Variants in REEP5 observed in about 807,000 individuals in gnomAD.
The protein encoded by REEP5 is receptor expression-enhancing protein 5.
Under a neutral mutation model 22.4 loss-of-function variants are expected in REEP5, and 24 were observed. The ratio of observed to expected loss-of-function variants is 1.07; its 90% CI spans 0.78 to 1.51. REEP5 has a LOEUF of 1.51. Among genes scored for constraint, REEP5 ranks in the 40% most tolerant of loss-of-function variants. The pLI is 0.00. For missense variants in REEP5, 252 were observed against 233.0 expected (o/e 1.08, Z -0.53); for synonymous variants, 103 against 88.6 (o/e 1.16, Z -0.92).
chr5:112,884,782 C>T (rs1027212023), intron 4 of REEP5, among the ~76,000 whole-genome samples: 1 of 151,498 alleles, frequency 6.6e-6, no homozygotes, highest in African/African-American at 2.4e-5. Flanking sequence ...GTCCTTGGCC[C>T]CCCCCCATCT....
intron 2 of REEP5, 86 bp downstream of exon 2, chr5:112,921,077 G>T: frequency 7.7e-7 from 1 of 1,304,928 alleles, no homozygotes; most frequent in Non-Finnish European, 1.1e-6. Flanking sequence ...TTTCTCCCGG[G>T]AATTGCGGAT....
chr5:112,921,335 G>A (rs1167894645), intron 1 of REEP5, 79 bp from the exon 2 acceptor site: 14 of 1,361,224 alleles, frequency 1.0e-5, no homozygotes, highest in Non-Finnish European at 1.5e-5. Flanking sequence ...ACACCGCGAG[G>A]CTGGGCCTGT....
chr5:112,892,375 G>C lies in REEP5; in HGVS notation c.352-5192C>G, dbSNP rs1308361383. 1.9e-6 allele frequency: 3 copies of C among 1,614,148 alleles called. No homozygotes were observed. The Admixed American group carries it at 5.0e-5, about 27-fold the overall frequency. The stretch of plus-strand genomic sequence containing the variant: ...CTACCAACAGTTCCTAGATTTCTAT[G>C]AGGATGTGTTGCCCGAGTTCAAGAA... On this transcript the variant is annotated intron_variant, in intron 3 of 4. Transcript: ENST00000379638.
At chr5:112,921,608 G>A (rs901055160) in intron 1 of REEP5, 1 of 323,486 alleles carries the variant, frequency 3.1e-6, no homozygotes, top group Non-Finnish European at 5.9e-6. Context: ...GCTCAGCGGG[G>A]AGCGTCCCGA....
chr5:112,881,292 A>G (rs1036464689), intron 4 of REEP5, among the ~76,000 whole-genome samples: 9 of 152,128 alleles, frequency 5.9e-5, no homozygotes, highest in Non-Finnish European at 8.8e-5. Context: ...GGAACATACC[A>G]CTTCTGGGGC....
chr5:112,916,698 A>C (rs1415933732), intron 2 of REEP5, among the ~76,000 whole-genome samples: 1 of 152,210 alleles, frequency 6.6e-6, no homozygotes, highest in Non-Finnish European at 1.5e-5. Context: ...ACATTCAAAG[A>C]GCCACAAGGG....
intron 2 of REEP5, among the ~76,000 whole-genome samples, chr5:112,905,996 T>C (rs770365538): frequency 4.6e-5 from 7 of 152,194 alleles, no homozygotes; most frequent in African/African-American, 9.7e-5. Flanking sequence ...CAAAACACTC[T>C]ACTGCCTTGT....
intron 2 of REEP5, among the ~76,000 whole-genome samples, chr5:112,920,704 T>A (rs1158863649): frequency 2.6e-5 from 4 of 152,134 alleles, no homozygotes; most frequent in South Asian, 4.1e-4. Context: ...TAAAAGAAAA[T>A]GAGAAAATTC....
chr5:112,901,352 C>T (rs747244274), intron 3 of REEP5, among the ~76,000 whole-genome samples: 17 of 152,124 alleles, frequency 1.1e-4, no homozygotes, highest in Non-Finnish European at 2.1e-4. Flanking sequence ...ATGAAGAACA[C>T]GGTATATAGC....
intron 4 of REEP5, chr5:112,885,770 C>A: frequency 3.9e-6 from 1 of 258,692 alleles, no homozygotes. Flanking sequence ...TACATATATG[C>A]CAAGCCCGTA....
chr5:112,921,128 A>G (rs747165859), intron 2 of REEP5, 35 bp downstream of exon 2: 1 of 1,597,762 alleles, frequency 6.3e-7, no homozygotes, highest in Non-Finnish European at 8.6e-7. Context: ...GGAATGGAGG[A>G]AGGGAAGGGG....
At chr5:112,897,419 G>A (rs1768726198) in intron 3 of REEP5, 1 of 150,448 alleles carries the variant, frequency 6.6e-6, no homozygotes, top group Non-Finnish European at 1.5e-5. Flanking sequence ...GGACAACAAG[G>A]ACTTTGTTTT....
At chr5:112,881,781 T>C (rs926889836) in intron 4 of REEP5, among the ~76,000 whole-genome samples, 6 of 152,134 alleles carry the variant, frequency 3.9e-5, no homozygotes, top group African/African-American at 1.4e-4. Flanking sequence ...ATTTATTTAT[T>C]TAGAGACAGG....
At chr5:112,879,465 CTTTA>C (rs1026662793) in intron 4 of REEP5, among the ~76,000 whole-genome samples, 6 of 152,112 alleles carry the variant, frequency 3.9e-5, no homozygotes, top group Admixed American at 6.6e-5. Flanking sequence ...CTTTCATATA[CTTTA>C]TTTATTTACT....
chr5:112,881,128 CAAAAAAAAAA>C (rs58737941), intron 4 of REEP5, among the ~76,000 whole-genome samples: 59 of 67,218 alleles, frequency 8.8e-4, no homozygotes, highest in African/African-American at 3.1e-3. Context: ...GACTCTGTTT[CAAAAAAAAAA>C]AAAAAAAAAA....
At chr5:112,899,689 TGTTAAGA>T (rs1304596139) in intron 3 of REEP5, among the ~76,000 whole-genome samples, 2 of 152,214 alleles carry the variant, frequency 1.3e-5, no homozygotes, top group Non-Finnish European at 2.9e-5. Context: ...TCCTTAGAAT[TGTTAAGA>T]GTATCATTTT....
chr5:112,902,422 A>G lies in REEP5; in HGVS notation c.309T>C (p.Ser103=). 1 of 1,613,310 alleles carries G rather than the reference A, an allele frequency of 6.2e-7. No homozygotes were observed. The change falls in exon 3 of 5, where the codon TCT becomes TCC. Residue 103 remains serine (S), a synonymous_variant. Transcript: ENST00000379638. ...YGVFSIAEFF[S]DIFLSWFPFY... ...AGGGGAACCATGACAGGAAGATATC[A>G]GAGAAGAATTCAGCAATGCTGAACA...
At chr5:112,896,910 CAG>C (rs914283003) in intron 3 of REEP5, 1 of 152,122 alleles carries the variant, frequency 6.6e-6, no homozygotes, top group African/African-American at 2.4e-5. Context: ...GCCTGGGCGA[CAG>C]AGCAAGACTC....
At chr5:112,891,158 T>C (rs1245277669) in intron 3 of REEP5, among the ~76,000 whole-genome samples, 3 of 142,042 alleles carry the variant, frequency 2.1e-5, no homozygotes, top group Non-Finnish European at 1.5e-5. Context: ...CTGCAACCTC[T>C]GCCTCCTGGG....
Sources: allele counts gnomAD v4.1 joint callset (sites outside exome capture counted in the v4.1 genomes callset), GRCh38; gene constraint gnomAD v4.1.1; transcripts MANE v1.5; gene names NCBI Gene and HGNC (gene_info 2026-07-23, HGNC 2026-07-21).